The following MACROD2 variants were observed in gnomAD, a reference collection of about 807,000 sequenced individuals.
MACROD2 encodes ADP-ribose glycohydrolase MACROD2.
Under a neutral mutation model 70.4 loss-of-function variants are expected in MACROD2, and 36 were observed. That is an observed-to-expected ratio of 0.51 (90% CI 0.39 to 0.68). MACROD2 has a LOEUF of 0.68. MACROD2 is among the 30% of genes least tolerant of loss of function. MACROD2 has a pLI of 0.00. For synonymous variants in MACROD2, 172 were observed against 178.8 expected, an observed-to-expected ratio of 0.96 and a Z score of 0.30; for missense variants, 496 against 538.4, an observed-to-expected ratio of 0.92 and a Z score of 0.78.
intron 15 of MACROD2, among the ~76,000 whole-genome samples, chr20:16,021,051 G>C (rs1020043052): frequency 1.3e-5 from 2 of 152,084 alleles, no homozygotes; most frequent in African/African-American, 4.8e-5. Context: ...TCAGTCCCCT[G>C]TTCCTGTCAA....
intron 5 of MACROD2, among the ~76,000 whole-genome samples, chr20:14,785,427 A>G (rs2072356978): frequency 1.3e-5 from 2 of 152,054 alleles, no homozygotes; most frequent in South Asian, 4.1e-4. Context: ...AAATGTTCCC[A>G]TTGTGTTTAA....
At chr20:15,447,778 A>G (rs1197115523) in intron 7 of MACROD2, among the ~76,000 whole-genome samples, 1 of 152,166 alleles carries the variant, frequency 6.6e-6, no homozygotes, top group Non-Finnish European at 1.5e-5. Context: ...GGTAAAATCA[A>G]TGAAGCTGTT....
chr20:15,248,426 C>A (rs1453866441), intron 6 of MACROD2, among the ~76,000 whole-genome samples: 1 of 152,138 alleles, frequency 6.6e-6, no homozygotes, highest in Non-Finnish European at 1.5e-5. Flanking sequence ...GTCTTTGTGG[C>A]CACCTCTGGC....
intron 8 of MACROD2, among the ~76,000 whole-genome samples, chr20:15,741,258 A>ATTT (rs1212650313): frequency 5.3e-4 from 74 of 140,176 alleles, no homozygotes; most frequent in Middle Eastern, 3.6e-3. Flanking sequence ...CACCCGGCTA[A>ATTT]TTTTTTTTTT....
chr20:15,471,027 G>A (rs1233696330), intron 7 of MACROD2, among the ~76,000 whole-genome samples: 1 of 152,022 alleles, frequency 6.6e-6, no homozygotes, highest in Admixed American at 6.6e-5. Flanking sequence ...TGGATCCTAT[G>A]GTTGATTATA....
At chr20:15,675,282 A>G (rs2050041116) in intron 8 of MACROD2, among the ~76,000 whole-genome samples, 1 of 152,190 alleles carries the variant, frequency 6.6e-6, no homozygotes, top group African/African-American at 2.4e-5. Context: ...GTTAATTACA[A>G]GTTCTGTCTA....
At chr20:15,155,196 G>A (rs147085316) in intron 5 of MACROD2, among the ~76,000 whole-genome samples, 1 of 152,272 alleles carries the variant, frequency 6.6e-6, no homozygotes, top group Non-Finnish European at 1.5e-5. Flanking sequence ...ATCAATAGAT[G>A]TTGCCTAATG....
chr20:15,283,870 T>C (rs1235477147), intron 6 of MACROD2, among the ~76,000 whole-genome samples: 1 of 152,144 alleles, frequency 6.6e-6, no homozygotes, highest in African/African-American at 2.4e-5. Context: ...TAAACTCCCA[T>C]ATACCCATTA....
chr20:14,975,676 C>T (rs2074733210), intron 5 of MACROD2, among the ~76,000 whole-genome samples: 1 of 151,942 alleles, frequency 6.6e-6, no homozygotes. Context: ...ACTCTCACGA[C>T]CTCTCTAGGA....
At chr20:15,826,159 A>G (rs576887831) in intron 8 of MACROD2, among the ~76,000 whole-genome samples, 2 of 152,246 alleles carry the variant, frequency 1.3e-5, no homozygotes, top group African/African-American at 4.8e-5. Flanking sequence ...GTAATTCTTA[A>G]TTTAAAGAAA....
chr20:15,579,141 G>C (rs371580478), intron 8 of MACROD2, among the ~76,000 whole-genome samples: 7 of 151,932 alleles, frequency 4.6e-5, no homozygotes, highest in Non-Finnish European at 1.0e-4. Flanking sequence ...GTTTTCTCTC[G>C]GGAGAAAATA....
intron 13 of MACROD2, among the ~76,000 whole-genome samples, chr20:15,983,220 C>T (rs2066427684): frequency 6.6e-6 from 1 of 152,138 alleles, no homozygotes; most frequent in South Asian, 2.1e-4. Context: ...TCTGGTATTC[C>T]TTGTGGGGCT....
At chr20:14,069,789 A>G (rs981849928) in intron 2 of MACROD2, among the ~76,000 whole-genome samples, 1 of 151,050 alleles carries the variant, frequency 6.6e-6, no homozygotes, top group African/African-American at 2.4e-5. Flanking sequence ...TGCTCTTCCA[A>G]TGACTTTGGG....
chr20:14,927,198 G>A (rs1369013724), intron 5 of MACROD2, among the ~76,000 whole-genome samples: 1 of 152,144 alleles, frequency 6.6e-6, no homozygotes, highest in Non-Finnish European at 1.5e-5. Flanking sequence ...CACAGGAAAA[G>A]GGGAAAAAAT....
At chr20:14,184,088 C>T (rs909368204) in intron 3 of MACROD2, among the ~76,000 whole-genome samples, 8 of 151,660 alleles carry the variant, frequency 5.3e-5, no homozygotes, top group South Asian at 2.1e-4. Context: ...TTGGCATCTT[C>T]GTCATGAAAT....
At chr20:14,199,547 A>G (rs1409514702) in intron 3 of MACROD2, among the ~76,000 whole-genome samples, 2 of 152,018 alleles carry the variant, frequency 1.3e-5, no homozygotes, top group Admixed American at 6.5e-5. Context: ...TTCCTTACCA[A>G]AATATTTTTG....
intron 8 of MACROD2, among the ~76,000 whole-genome samples, chr20:15,648,719 G>GTGGGTGGA (rs2049591852): frequency 6.6e-6 from 1 of 151,680 alleles, no homozygotes; most frequent in African/African-American, 2.4e-5. Context: ...TGGATGGATG[G>GTGGGTGGA]TGGATGGATG....
chr20:15,286,267 C>G (rs1192320156), intron 6 of MACROD2, among the ~76,000 whole-genome samples: 1 of 152,078 alleles, frequency 6.6e-6, no homozygotes, highest in East Asian at 1.9e-4. Flanking sequence ...CTTTAAATAT[C>G]TTCGAGAAGC....
intron 5 of MACROD2, among the ~76,000 whole-genome samples, chr20:14,790,826 C>G (rs6074799): frequency 0.48 from 72,361 of 151,878 alleles, 18,639 homozygotes; most frequent in Middle Eastern, 0.58. Context: ...ATCTGCTCCA[C>G]TGGTTGAAGT....
Sources: gnomAD v4.1 joint callset for allele counts (sites outside exome capture counted in the v4.1 genomes callset) on GRCh38, gnomAD v4.1.1 for gene constraint, MANE v1.5 for transcripts, NCBI Gene and HGNC (gene_info 2026-07-23, HGNC 2026-07-21) for gene names.